Variants in XYLB observed in about 807,000 individuals in gnomAD.
XYLB encodes xylulokinase.
XYLB carries 62 observed loss-of-function variants against 78.7 expected under a neutral mutation model. That is an observed-to-expected ratio of 0.79 (90% CI 0.64 to 0.97). The LOEUF is 0.97. XYLB is among the 50% of genes least tolerant of loss of function. XYLB has a pLI of 0.00. For synonymous variants in XYLB, 245 were observed against 247.4 expected, an observed-to-expected ratio of 0.99 and a Z score of 0.09; for missense variants, 687 against 676.8, an observed-to-expected ratio of 1.02 and a Z score of -0.17.
chr3:38,379,210 G>A, intron 14 of XYLB, 36 bp from the exon 15 acceptor site: 1 of 1,602,942 alleles, frequency 6.2e-7, no homozygotes, highest in Non-Finnish European at 8.5e-7. Context: ...GACAATGAGA[G>A]TTCCTTACTC....
At chr3:38,415,810 G>A (rs760579753), downstream of XYLB, among the ~76,000 whole-genome samples, 6 of 152,100 alleles carry the variant, frequency 3.9e-5, no homozygotes, top group Non-Finnish European at 8.8e-5. Context: ...ACCCAAGACT[G>A]GGTAATTTAT....
At position 38,379,339 on chromosome 3, in the gene XYLB, G is replaced by A. The variant is rs761823909; in HGVS notation, c.1288G>A (p.Val430Ile). The A allele has an allele frequency of 1.9e-6, 3 of 1,614,076 alleles. No homozygotes were observed. Among genetic ancestry groups the A allele is most frequent in the Non-Finnish European group, 2.5e-6 (3 of 1,180,032 alleles). ...TCACGCAGAAGGCCTGGGCTATCGA[G>A]TCAGTAAGTGAGCCACTGGCAGCAT... ...RIHAEGLGYR[V>I]MSKTKILATG... The change falls in exon 15 of 19, where the codon GTC (valine) becomes ATC (isoleucine). Residue 430 changes from valine (V) to isoleucine (I), a missense_variant. Physicochemically the swap from Val to Ile is conservative, Grantham distance 29. Coordinates refer to ENST00000207870, the MANE Select transcript of XYLB (RefSeq NM_005108.4).
At position 38,376,113 on chromosome 3, in the gene XYLB, G is replaced by T. The variant is rs1160778053; in HGVS notation, c.1005-4G>T. ...CTCCCTCAGAGCTATGCCCTCTTCT[G>T]CAGCTTTAAAAATGGCTCCCTCATG... On this transcript the variant is annotated splice_polypyrimidine_tract_variant and splice_region_variant and intron_variant, in intron 12 of 18. Transcript: ENST00000207870. The T allele has an allele frequency of 6.2e-7, 1 of 1,603,046 alleles. No homozygotes were observed. Among genetic ancestry groups the T allele is most frequent in the Non-Finnish European group, 8.5e-7 (1 of 1,170,260 alleles).
chr3:38,365,769 G>C (rs1194264796), intron 6 of XYLB, 33 bp downstream of exon 6: 12 of 1,592,398 alleles, frequency 7.5e-6, no homozygotes, highest in Non-Finnish European at 1.0e-5. Context: ...GCAGGGGGTG[G>C]TCTGGTTGCA....
intron 17 of XYLB, among the ~76,000 whole-genome samples, chr3:38,399,459 A>G (rs1345380802): frequency 8.4e-6 from 1 of 118,442 alleles, no homozygotes; most frequent in Non-Finnish European, 2.2e-5. Context: ...ATATTTTAAG[A>G]GAGAATTCAA....
At chr3:38,435,171 T>C in the XYLB span, among the ~76,000 whole-genome samples, 2 of 152,170 alleles carry the variant, frequency 1.3e-5, no homozygotes, top group Admixed American at 6.6e-5. Flanking sequence ...TCAAACTGTA[T>C]GTTGCTTACA....
At chr3:38,382,243 G>T (rs1025256800) in intron 15 of XYLB, among the ~76,000 whole-genome samples, 1 of 152,196 alleles carries the variant, frequency 6.6e-6, no homozygotes, top group African/African-American at 2.4e-5. Context: ...CTACTCAGGA[G>T]ACTGAGGTGG....
At chr3:38,428,941 G>T in the XYLB span, among the ~76,000 whole-genome samples, 2 of 152,120 alleles carry the variant, frequency 1.3e-5, no homozygotes, top group African/African-American at 2.4e-5. Flanking sequence ...TGCTGCTCAG[G>T]TTCCTCTTCA....
intron 17 of XYLB, 29 bp downstream of exon 17, chr3:38,397,188 C>T: frequency 6.2e-7 from 1 of 1,608,756 alleles, no homozygotes; most frequent in Non-Finnish European, 8.5e-7. Flanking sequence ...ACAGCTATCT[C>T]TGGAAGTGGC....
chr3:38,418,828 CATTT>C (rs1247846491), downstream of XYLB, among the ~76,000 whole-genome samples: 17 of 152,054 alleles, frequency 1.1e-4, no homozygotes, highest in African/African-American at 2.2e-4. Flanking sequence ...AAATGTATGA[CATTT>C]ATCATTTTAA....
chr3:38,382,798 C>T (rs912657437), intron 15 of XYLB, among the ~76,000 whole-genome samples: 1 of 152,204 alleles, frequency 6.6e-6, no homozygotes, highest in Non-Finnish European at 1.5e-5. Flanking sequence ...GGGATTGTGG[C>T]ATTATTCCCA....
chr3:38,398,641 T>TCTGCCTGCCTGCCTGC (rs544081780), intron 17 of XYLB, among the ~76,000 whole-genome samples: 1 of 149,432 alleles, frequency 6.7e-6, no homozygotes. Flanking sequence ...TACCTATGAG[T>TCTGCCTGCCTGCCTGC]CTGCCTGCCT....
intron 17 of XYLB, among the ~76,000 whole-genome samples, chr3:38,398,081 G>A (rs542504279): frequency 6.6e-6 from 1 of 151,730 alleles, no homozygotes; most frequent in South Asian, 2.1e-4. Context: ...GCCTCCCAAA[G>A]TACTGGGATT....
chr3:38,433,650 T>C, the XYLB span, among the ~76,000 whole-genome samples: 1 of 152,332 alleles, frequency 6.6e-6, no homozygotes, highest in African/African-American at 2.4e-5. Flanking sequence ...AAGAGTCAAC[T>C]TTATTCCAAT....
At chr3:38,441,928 C>G in the XYLB span, among the ~76,000 whole-genome samples, 1 of 152,156 alleles carries the variant, frequency 6.6e-6, no homozygotes, top group Non-Finnish European at 1.5e-5. Flanking sequence ...AGGCTTAAGG[C>G]TGGAGCTTGT....
chr3:38,378,894 A>T (rs2125610910), intron 14 of XYLB, among the ~76,000 whole-genome samples: 1 of 150,888 alleles, frequency 6.6e-6, no homozygotes, highest in Admixed American at 6.6e-5. Context: ...AACAGGCGCC[A>T]CTATTACCTC....
At chr3:38,401,706 A>G (rs1708129120) in intron 18 of XYLB, among the ~76,000 whole-genome samples, 1 of 152,160 alleles carries the variant, frequency 6.6e-6, no homozygotes, top group Non-Finnish European at 1.5e-5. Flanking sequence ...GCAGCTCTTT[A>G]TAGCTAAAGC....
chr3:38,354,345 G>A (rs914195876), intron 2 of XYLB, among the ~76,000 whole-genome samples: 47 of 152,190 alleles, frequency 3.1e-4, no homozygotes, highest in African/African-American at 8.7e-4. Context: ...TGGGATTACA[G>A]GTGTGAGCCA....
At position 38,384,056 on chromosome 3, in the gene XYLB, C is replaced by CTTTGT. The variant is rs1181545501; in HGVS notation, c.1291+4733_1291+4737dup. On this transcript the variant is annotated intron_variant, in intron 15 of 18. Coordinates refer to ENST00000207870, the MANE Select transcript of XYLB (RefSeq NM_005108.4). ...CTTGTTTTTTTTGTTTGTTTGTTTT[C>CTTTGT]TTTGTTTTGTTTTGTTTTGTTTTTC... is the stretch of plus-strand genomic sequence containing the variant. 3.2e-4 allele frequency among the ~76,000 whole-genome samples: 48 copies of CTTTGT among 151,894 alleles called. No homozygotes were observed. In the East Asian group the frequency reaches 3.5e-3, roughly 11 times the overall value.
Sources: allele counts gnomAD v4.1 joint callset (sites outside exome capture counted in the v4.1 genomes callset), GRCh38; gene constraint gnomAD v4.1.1; transcripts MANE v1.5; gene names NCBI Gene and HGNC (gene_info 2026-07-23, HGNC 2026-07-21).